Variants in COL6A6 observed in about 807,000 individuals in gnomAD.
COL6A6 encodes collagen type VI alpha 6 chain.
Under a neutral mutation model 208.6 loss-of-function variants are expected in COL6A6, and 183 were observed. That is an observed-to-expected ratio of 0.88 (90% CI 0.78 to 0.99). COL6A6 has a LOEUF of 0.99. Among genes scored for constraint, COL6A6 ranks in the 50% least tolerant of loss-of-function variants. The pLI is 0.00. For synonymous variants in COL6A6, 973 were observed against 1,011.8 expected, an observed-to-expected ratio of 0.96 and a Z score of 0.73; for missense variants, 2,816 against 2,815.2, an observed-to-expected ratio of 1.00 and a Z score of -0.01.
intron 1 of COL6A6, among the ~76,000 whole-genome samples, chr3:130,559,204 G>A (rs554749045): frequency 1.3e-5 from 2 of 152,228 alleles, no homozygotes; most frequent in African/African-American, 2.4e-5. Flanking sequence ...TTTTCACTTC[G>A]GGAAATCCAC....
chr3:130,642,379 T>G (rs969240057), intron 29 of COL6A6, among the ~76,000 whole-genome samples: 1 of 151,986 alleles, frequency 6.6e-6, no homozygotes, highest in African/African-American at 2.4e-5. Context: ...GGGAACAGAT[T>G]AAGGTTCAGC....
At chr3:130,592,975 A>G (rs1447243203) in intron 15 of COL6A6, 86 bp from the exon 16 acceptor site, 5 of 1,267,034 alleles carry the variant, frequency 3.9e-6, no homozygotes, top group Non-Finnish European at 5.7e-6. Context: ...TGTATGTGAA[A>G]CACAAAAATA....
intron 1 of COL6A6, among the ~76,000 whole-genome samples, chr3:130,524,733 G>A (rs968022407): frequency 6.6e-6 from 1 of 152,152 alleles, no homozygotes; most frequent in Non-Finnish European, 1.5e-5. Context: ...ATGTTCCTAT[G>A]TCATCTCAAT....
intron 18 of COL6A6, among the ~76,000 whole-genome samples, chr3:130,597,520 A>G (rs1185397079): frequency 6.6e-6 from 1 of 152,214 alleles, no homozygotes; most frequent in Non-Finnish European, 1.5e-5. Flanking sequence ...CTATCAGCCC[A>G]GCAGCCCCAT....
In COL6A6 at chr3:130,662,085, C is replaced by G; in HGVS notation, c.6279C>G (p.Thr2093=). 5 of 1,613,984 alleles carry G rather than the reference C, an allele frequency of 3.1e-6. No homozygotes were observed. Among genetic ancestry groups the G allele is most frequent in the Non-Finnish European group, 4.2e-6 (5 of 1,179,892 alleles). Residue 2093 remains threonine (T), a synonymous_variant, in exon 35 of 37, where the codon ACC becomes ACG. Coordinates refer to ENST00000358511, the MANE Select transcript of COL6A6 (RefSeq NM_001102608.3). ...TATTTGTGATATCTGCTGGGGAAAC[C>G]AGCCACTTAGATGGGGAAATCTTAA... ...KVIFVISAGE[T]SHLDGEILKK... is the part of the protein sequence containing the mutation.
intron 10 of COL6A6, 114 bp downstream of exon 10, chr3:130,582,182 A>G (rs1577780621): frequency 3.0e-6 from 2 of 666,566 alleles, no homozygotes; most frequent in East Asian, 5.4e-5. Flanking sequence ...TGATTTTGAC[A>G]ATCTCCGTAT....
At chr3:130,646,179 T>C (rs1278270930) in intron 32 of COL6A6, among the ~76,000 whole-genome samples, 3 of 152,040 alleles carry the variant, frequency 2.0e-5, no homozygotes, top group Admixed American at 6.6e-5. Context: ...AGATAAAGCA[T>C]AGGATGCTGT....
chr3:130,518,868 A>C (rs1014405705), intron 1 of COL6A6, among the ~76,000 whole-genome samples: 1 of 152,214 alleles, frequency 6.6e-6, no homozygotes, highest in African/African-American at 2.4e-5. Flanking sequence ...GCCTCAAAAG[A>C]AGGTGTGTTT....
Position 130,561,089 on chromosome 3 carries a change from G to C in COL6A6, c.64+661G>C, listed in dbSNP as rs568447598. ...TTCCTTTGATGTATCTCTAAGCCTT[G>C]AGCTTCTCAAGTAGAAGCCATGATT... On this transcript the variant is annotated intron_variant, in intron 2 of 36. Transcript: ENST00000358511. Among the ~76,000 whole-genome samples, 8 of 152,280 alleles carry C rather than the reference G, an allele frequency of 5.3e-5. No homozygotes were observed. The South Asian group carries it at 1.7e-3, about 32-fold the overall frequency.
chr3:130,584,474 C>T (rs189804245), intron 10 of COL6A6, among the ~76,000 whole-genome samples: 37 of 152,202 alleles, frequency 2.4e-4, no homozygotes, highest in Middle Eastern at 6.8e-3. Context: ...GAAGAATGAC[C>T]GACTATCCTG....
chr3:130,566,591 T>A, intron 4 of COL6A6, 111 bp from the exon 5 acceptor site: 1 of 837,628 alleles, frequency 1.2e-6, no homozygotes, highest in Non-Finnish European at 1.8e-6. Context: ...CTAGAAGCTG[T>A]TTCCCATTTT....
At chr3:130,597,991 T>C (rs930326379) in intron 18 of COL6A6, among the ~76,000 whole-genome samples, 2 of 152,160 alleles carry the variant, frequency 1.3e-5, no homozygotes, top group Admixed American at 6.5e-5. Flanking sequence ...AAGTGTAACT[T>C]TGCCTAGCCT....
intron 6 of COL6A6, 89 bp downstream of exon 6, chr3:130,568,693 A>G (rs1440903874): frequency 1.8e-5 from 22 of 1,233,100 alleles, no homozygotes; most frequent in Non-Finnish European, 2.0e-5. Context: ...CTATTTACAT[A>G]TTGTAAACTT....
At chr3:130,626,886 A>G (rs989144833) in intron 25 of COL6A6, among the ~76,000 whole-genome samples, 3 of 152,142 alleles carry the variant, frequency 2.0e-5, no homozygotes, top group Non-Finnish European at 4.4e-5. Flanking sequence ...CCCACTGCTC[A>G]GGGTTTCTAC....
chr3:130,577,060 G>A (rs1440994572), intron 8 of COL6A6, among the ~76,000 whole-genome samples: 2 of 152,144 alleles, frequency 1.3e-5, no homozygotes, highest in Non-Finnish European at 2.9e-5. Context: ...GAGGTCAGAC[G>A]CATGGAGGTA....
At chr3:130,523,627 A>G (rs1711212741) in intron 1 of COL6A6, among the ~76,000 whole-genome samples, 1 of 152,098 alleles carries the variant, frequency 6.6e-6, no homozygotes, top group Non-Finnish European at 1.5e-5. Flanking sequence ...GTTATTTTGG[A>G]TTCAGCAAGG....
At chr3:130,534,430 G>A (rs2062178054) in intron 1 of COL6A6, among the ~76,000 whole-genome samples, 1 of 152,036 alleles carries the variant, frequency 6.6e-6, no homozygotes, top group Non-Finnish European at 1.5e-5. Context: ...TATTTATGAT[G>A]TCTTTTGTCA....
chr3:130,621,947 T>G (rs889060153), intron 24 of COL6A6, 64 bp downstream of exon 24: 7 of 1,364,618 alleles, frequency 5.1e-6, no homozygotes, highest in Non-Finnish European at 7.3e-6. Context: ...TGTGTCTAAT[T>G]GTATTAGCCA....
chr3:130,661,922 G>A lies in COL6A6; in HGVS notation c.6116G>A (p.Arg2039Lys), dbSNP rs373589286. The A allele has an allele frequency of 6.2e-7, 1 of 1,613,836 alleles. No individual in the cohort carries two copies. The highest frequency in any genetic ancestry group is 1.3e-5 in the African/African-American group (1 of 74,916). ...GCTGAGTTCAATCTTACCACCTACA[G>A]AAGTAAGCGCCTCATGAAGAGGCAT... is the stretch of plus-strand genomic sequence containing the variant. ...VRAEFNLTTY[R>K]SKRLMKRHVH... is the part of the protein sequence containing the mutation. Residue 2039 changes from arginine to lysine, a missense_variant, in exon 35 of 37, where the codon AGA becomes AAA. Arg to Lys is a conservative substitution (Grantham distance 26). Coordinates refer to ENST00000358511, the MANE Select transcript of COL6A6 (RefSeq NM_001102608.3).
Sources: gnomAD v4.1 joint callset for allele counts (sites outside exome capture counted in the v4.1 genomes callset) on GRCh38, gnomAD v4.1.1 for gene constraint, MANE v1.5 for transcripts, NCBI Gene and HGNC (gene_info 2026-07-23, HGNC 2026-07-21) for gene names.